CEP104: variants seen among roughly 807,000 people sequenced by gnomAD.
CEP104 encodes centrosomal protein of 104 kDa.
CEP104 carries 84 observed loss-of-function variants against 113.3 expected under a neutral mutation model. That is an observed-to-expected ratio of 0.74 (90% CI 0.62 to 0.89). The LOEUF (loss-of-function observed/expected upper bound fraction) is 0.89, where lower values mean the gene tolerates loss of function less well. Among genes scored for constraint, CEP104 ranks in the 40% least tolerant of loss-of-function variants. The probability of loss-of-function intolerance (pLI) is 0.00; values close to 1 mark genes in which losing one functional copy is unlikely to be tolerated. For synonymous variants in CEP104, 378 were observed against 421.7 expected (o/e 0.90, Z 1.27); for missense variants, 1,053 against 1,156.6 (o/e 0.91, Z 1.30).
Position 3,819,684 on chromosome 1 carries a change from A to T in CEP104, c.2572-3314T>A, listed in dbSNP as rs1643934101. 6.6e-6 allele frequency among the ~76,000 whole-genome samples: 1 copy of T among 152,254 alleles called. No individual in the cohort carries two copies. Among genetic ancestry groups the T allele is most frequent in the Non-Finnish European group, 1.5e-5 (1 of 68,044 alleles). On this transcript the variant is annotated intron_variant, in intron 20 of 21. Transcript: ENST00000378230. The surrounding 1 kb of genome is among the most constrained non-coding windows in gnomAD (Gnocchi z 4.6). The stretch of plus-strand genomic sequence containing the variant: ...AACACTGGACAAAGCCCAGTGACCC[A>T]CAGAAGATTGAGCAGTCTTCACACT...
rs1270385412 is a variant in CEP104 at position 3,825,847 on chromosome 1, C to T, written c.2275G>A (p.Glu759Lys). 1.2e-6 allele frequency: 2 copies of T among 1,612,684 alleles called. No homozygotes were observed. The highest frequency in any genetic ancestry group is 1.7e-6 in the Non-Finnish European group (2 of 1,178,704). ...TCCTCTGTGAAGGATTCACTCCTTT[C>T]CCCACAAAAAATACACAAACTGAAA... ...YLDNLCIFCG[E>K]RSESFTEEGL... The change falls in exon 18 of 22, where the codon GAA (glutamate) becomes AAA (lysine). Residue 759 changes from glutamate to lysine, a missense_variant. Transcript: ENST00000378230.
At chr1:3,818,384 C>T (rs1176762889) in intron 20 of CEP104, among the ~76,000 whole-genome samples, 2 of 152,248 alleles carry the variant, frequency 1.3e-5, no homozygotes, top group Non-Finnish European at 2.9e-5. Context: ...CCAGGCTAAG[C>T]TCCTGAGCGC....
Position 3,829,363 on chromosome 1 carries a change from T to C in CEP104, c.2054A>G (p.Lys685Arg), listed in dbSNP as rs1233246156. 6.2e-7 allele frequency: 1 copy of C among 1,609,726 alleles called. No homozygotes were observed. The highest frequency in any genetic ancestry group is 8.5e-7 in the Non-Finnish European group (1 of 1,179,204). The stretch of plus-strand genomic sequence containing the variant: ...TTTTTCTGCTTCTTCTGTAGCCGCT[T>C]TTCTCCGTGCCTGGTAAGAAAATTA... ...ATDAEMRARR[K>R]AATEEAEKQK... Residue 685 changes from lysine (K) to arginine (R), a missense_variant, in exon 15 of 22, where the codon AAA (lysine) becomes AGA (arginine). Transcript: ENST00000378230.
chr1:3,825,970 G>A, intron 17 of CEP104, 104 bp from the exon 18 acceptor site: 1 of 803,738 alleles, frequency 1.2e-6, no homozygotes, highest in Non-Finnish European at 2.1e-6. Context: ...CAGTCCCTGT[G>A]ATGTGTGCAC....
chr1:3,812,811 G>T lies in CEP104; in HGVS notation c.*2591C>A. On this transcript the variant is annotated 3_prime_UTR_variant, in exon 22 of 22. Transcript: ENST00000378230. ...GCCAAGATCGCGCCACTGCACTCCA[G>T]CCTAGGCAACAGAGCAAGACTCCGT... 6.6e-6 allele frequency: 1 copy of T among 152,254 alleles called. No homozygotes were observed. Among genetic ancestry groups the T allele is most frequent in the Non-Finnish European group, 1.5e-5 (1 of 68,034 alleles). 9.4% of individuals were successfully genotyped at this position (152,254 alleles called of 1,614,324 possible).
intron 21 of CEP104, 68 bp downstream of exon 21, chr1:3,816,212 G>T (rs1010352541): frequency 3.7e-6 from 5 of 1,362,888 alleles, no homozygotes; most frequent in Non-Finnish European, 5.0e-6. Flanking sequence ...CCTGGACGGG[G>T]ATGCTTTTTT....
rs1327459475 is a variant in CEP104, at chr1:3,823,868, A to G, written c.2365-306T>C. ...CTTGGATGAGGGCGCAGAGTGGCTC[A>G]GTGGTTACAGTGTGGCCCAAGGTTG... On this transcript the variant is annotated intron_variant, in intron 18 of 21. Transcript: ENST00000378230. This position sits in a 1 kb window ranked among gnomAD's most constrained non-coding sequence, Gnocchi z 4.1. Among the ~76,000 whole-genome samples the G allele has an allele frequency of 6.6e-6, 1 of 152,212 alleles. No homozygotes were observed. The highest frequency in any genetic ancestry group is 1.5e-5 in the Non-Finnish European group (1 of 68,054).
At chr1:3,839,205 A>G in intron 7 of CEP104, 86 bp from the exon 8 acceptor site, 2 of 1,213,778 alleles carry the variant, frequency 1.6e-6, no homozygotes, top group Non-Finnish European at 2.4e-6. Flanking sequence ...TCACGCGTGA[A>G]CCGTCTTGCA....
Position 3,852,284 on chromosome 1 carries a change from C to A in CEP104, c.113+11G>T, listed in dbSNP as rs1440772854. The A allele has an allele frequency of 1.2e-6, 2 of 1,612,222 alleles. No homozygotes were observed. Among genetic ancestry groups the A allele is most frequent in the Non-Finnish European group, 1.7e-6 (2 of 1,179,432 alleles). ...CCTCCCAGCCCAAGCCCCGCCCCGT[C>A]CAGTCCTCACCTAGGTGACCGCCAC... On this transcript the variant is annotated intron_variant, in intron 2 of 21. Coordinates refer to ENST00000378230, the MANE Select transcript of CEP104 (RefSeq NM_014704.4).
In CEP104 at chr1:3,837,370, T is replaced by C. The variant is rs549456894; in HGVS notation, c.1041A>G (p.Ser347=). 90 of 1,614,172 alleles carry C rather than the reference T, an allele frequency of 5.6e-5. No homozygotes were observed. Among genetic ancestry groups the C allele is most frequent in the South Asian group, 5.5e-4 (50 of 91,086 alleles). The change falls in exon 9 of 22, where the codon TCA becomes TCG. Residue 347 remains serine (S), a synonymous_variant. Transcript: ENST00000378230. ...GCTGAGGAGAAATAGTTAGAGAATA[T>C]GATGAAGGCTTTTCCTGAAGGAAAG... The part of the protein sequence containing the change: ...AEPFLQEKPS[S]YSLTISPQHS...
chr1:3,830,240 T>C (rs1292008229), intron 13 of CEP104, among the ~76,000 whole-genome samples: 1 of 152,086 alleles, frequency 6.6e-6, no homozygotes, highest in Non-Finnish European at 1.5e-5. Context: ...ATAGTGCAAT[T>C]TCATCCCTGC....
chr1:3,833,890 A>G lies in CEP104; in HGVS notation c.1631T>C (p.Leu544Pro). Residue 544 changes from leucine (L) to proline (P), a missense_variant, in exon 12 of 22, where the codon CTC (leucine) becomes CCC (proline). By Grantham distance (98) the Leu-to-Pro change is moderately conservative (BLOSUM62 -3). Transcript: ENST00000378230. ...LTRTGDSSAR[L>P]RVTAANFIQE... ...AATAAAATTTGCAGCTGTGACGCGG[A>G]GGCGGGCAGAAGAATCTCCAGTTCT... 1 of 1,614,246 alleles carries G rather than the reference A, an allele frequency of 6.2e-7. No homozygotes were observed. The highest frequency in any genetic ancestry group is 8.5e-7 in the Non-Finnish European group (1 of 1,180,046).
At chr1:3,835,439 G>A (rs1570807241) in intron 10 of CEP104, among the ~76,000 whole-genome samples, 1 of 152,048 alleles carries the variant, frequency 6.6e-6, no homozygotes, top group South Asian at 2.1e-4. Flanking sequence ...GCAGTGGCTC[G>A]GCTCACTGCA....
At chr1:3,815,565 C>G (rs770990029) in intron 21 of CEP104, 48 bp from the exon 22 acceptor site, 5 of 1,357,052 alleles carry the variant, frequency 3.7e-6, no homozygotes, top group Non-Finnish European at 5.0e-6. Context: ...CTCCTACCCA[C>G]GGACCAGGTG....
Position 3,823,041 on chromosome 1 carries a change from C to G in CEP104, c.2571+133G>C. 1.3e-6 allele frequency: 1 copy of G among 778,164 alleles called. No homozygotes were observed. Among genetic ancestry groups the G allele is most frequent in the Non-Finnish European group, 2.2e-6 (1 of 461,378 alleles). The allele number at this position is 778,164 out of a possible 1,614,324, so 48.2% of individuals were successfully genotyped here. On this transcript the variant is annotated intron_variant, in intron 20 of 21. Transcript: ENST00000378230. This position sits in a 1 kb window ranked among gnomAD's most constrained non-coding sequence, Gnocchi z 4.1. ...CTGCTCAGACAGGGCTCACTAGACGCTGTCCCCTCCCTGAACACTCATGTA... is the reference window on the plus strand; with the variant it reads ...CTGCTCAGACAGGGCTCACTAGACGGTGTCCCCTCCCTGAACACTCATGTA...
intron 4 of CEP104, among the ~76,000 whole-genome samples, chr1:3,845,877 C>T (rs897902661): frequency 1.3e-5 from 2 of 152,032 alleles, no homozygotes; most frequent in Non-Finnish European, 2.9e-5. Context: ...CACCTGAAGT[C>T]GGGAGTTTGA....
chr1:3,846,753 G>T (rs1193281839), intron 4 of CEP104, among the ~76,000 whole-genome samples: 1 of 152,218 alleles, frequency 6.6e-6, no homozygotes, highest in African/African-American at 2.4e-5. Context: ...TTGGTCTAGA[G>T]ATTTGATTTG....
Position 3,823,013 on chromosome 1 carries a change from C to T in CEP104, c.2571+161G>A, listed in dbSNP as rs1050426222. 4.5e-6 allele frequency: 3 copies of T among 667,678 alleles called. No individual in the cohort carries two copies. The highest frequency in any genetic ancestry group is 3.6e-5 in the African/African-American group (2 of 55,934). The allele number at this position is 667,678 out of a possible 1,614,324, so 41.4% of individuals were successfully genotyped here. ...CATGTGAACACGTAGGTAAACGGAACGACTGCTCAGACAGGGCTCACTAGA... is the reference window on the plus strand; with the variant it reads ...CATGTGAACACGTAGGTAAACGGAATGACTGCTCAGACAGGGCTCACTAGA... On this transcript the variant is annotated intron_variant, in intron 20 of 21. Coordinates refer to ENST00000378230, the MANE Select transcript of CEP104 (RefSeq NM_014704.4). This position sits in a 1 kb window ranked among gnomAD's most constrained non-coding sequence, Gnocchi z 4.1.
chr1:3,826,867 G>GC (rs899283715), intron 15 of CEP104, 123 bp from the exon 16 acceptor site: 1 of 963,110 alleles, frequency 1.0e-6, no homozygotes, highest in African/African-American at 4.2e-5. Context: ...ATTTCTACTG[G>GC]CTGGCAAGGT....
Sources: allele counts gnomAD v4.1 joint callset (sites outside exome capture counted in the v4.1 genomes callset), GRCh38; gene constraint gnomAD v4.1.1; non-coding constraint Gnocchi (gnomAD v3.1); transcripts MANE v1.5; gene names NCBI Gene and HGNC (gene_info 2026-07-23, HGNC 2026-07-21).